Variants in SLC25A17 observed in about 807,000 individuals in gnomAD.
The protein encoded by SLC25A17 is solute carrier family 25 member 17, also known as peroxisomal membrane protein PMP34.
SLC25A17 carries 26 observed loss-of-function variants against 38.5 expected under a neutral mutation model. That is an observed-to-expected ratio of 0.68 (90% CI 0.50 to 0.94). The LOEUF (loss-of-function observed/expected upper bound fraction) is 0.94, where lower values mean the gene tolerates loss of function less well. Ranked by LOEUF, SLC25A17 falls within the 40% of genes least tolerant of loss-of-function variation. The pLI is 0.00. For missense variants in SLC25A17, 333 were observed against 372.7 expected (o/e 0.89, Z 0.88); for synonymous variants, 139 against 136.2 (o/e 1.02, Z -0.14).
chr22:40,784,604 T>C, intron 4 of SLC25A17: 1 of 233,926 alleles, frequency 4.3e-6, no homozygotes, highest in Non-Finnish European at 9.2e-6. Context: ...AAGACCCCCA[T>C]CTGTACAAAA....
At chr22:40,804,009 A>G (rs1602620898) in intron 1 of SLC25A17, among the ~76,000 whole-genome samples, 1 of 152,206 alleles carries the variant, frequency 6.6e-6, no homozygotes, top group South Asian at 2.1e-4. Context: ...TTTGATGTGA[A>G]TAACAGCTAT....
chr22:40,799,793 A>G (rs1325624686), intron 1 of SLC25A17: 4 of 152,210 alleles, frequency 2.6e-5, no homozygotes, highest in Non-Finnish European at 2.9e-5. Context: ...ATGCTTTAGT[A>G]GAAGTATTTA....
intron 7 of SLC25A17, 25 bp from the exon 8 acceptor site, chr22:40,774,044 A>G (rs370314883): frequency 4.1e-5 from 60 of 1,456,422 alleles, no homozygotes; most frequent in Non-Finnish European, 5.5e-5. Flanking sequence ...AAAAAAAACA[A>G]AAGTACTGTT....
intron 1 of SLC25A17, among the ~76,000 whole-genome samples, chr22:40,811,468 C>T (rs1343503683): frequency 5.3e-5 from 8 of 149,766 alleles, no homozygotes; most frequent in Non-Finnish European, 8.9e-5. Flanking sequence ...CTCATTCTGT[C>T]GCCCAGGCTG....
chr22:40,813,699 G>T (rs557491951), intron 1 of SLC25A17, among the ~76,000 whole-genome samples: 1 of 152,292 alleles, frequency 6.6e-6, no homozygotes, highest in South Asian at 2.1e-4. Flanking sequence ...ACTCCAGCCT[G>T]GGCGACAGAG....
At chr22:40,810,797 GTTGT>G (rs1420258326) in intron 1 of SLC25A17, among the ~76,000 whole-genome samples, 1 of 152,114 alleles carries the variant, frequency 6.6e-6, no homozygotes, top group African/African-American at 2.4e-5. Flanking sequence ...AATTCTTCTA[GTTGT>G]TTGTTTTGGA....
At chr22:40,797,516 T>C (rs931306838) in intron 2 of SLC25A17, among the ~76,000 whole-genome samples, 5 of 152,192 alleles carry the variant, frequency 3.3e-5, no homozygotes, top group Admixed American at 6.5e-5. Flanking sequence ...ACTGTGTGCC[T>C]TAAAAAAGTC....
At chr22:40,812,395 A>T (rs1022699733) in intron 1 of SLC25A17, among the ~76,000 whole-genome samples, 1 of 152,202 alleles carries the variant, frequency 6.6e-6, no homozygotes, top group Non-Finnish European at 1.5e-5. Context: ...TCTGGTCAAG[A>T]CTTGGTCCCC....
At chr22:40,784,036 C>T (rs573971834) in intron 4 of SLC25A17, among the ~76,000 whole-genome samples, 30 of 152,222 alleles carry the variant, frequency 2.0e-4, no homozygotes, top group Non-Finnish European at 3.5e-4. Flanking sequence ...TCAGTACTCT[C>T]TATCCCTTCT....
intron 1 of SLC25A17, among the ~76,000 whole-genome samples, chr22:40,802,505 C>A (rs781619021): frequency 6.6e-6 from 1 of 152,024 alleles, no homozygotes; most frequent in African/African-American, 2.4e-5. Flanking sequence ...CTTAGCCAGG[C>A]GTGGTGGTGG....
At chr22:40,800,373 A>C (rs2057469992) in intron 1 of SLC25A17, among the ~76,000 whole-genome samples, 1 of 152,196 alleles carries the variant, frequency 6.6e-6, no homozygotes. Context: ...TGATCTAATA[A>C]TGGTTACAAA....
At chr22:40,805,351 C>T (rs192699576) in intron 1 of SLC25A17, among the ~76,000 whole-genome samples, 1 of 152,206 alleles carries the variant, frequency 6.6e-6, no homozygotes, top group African/African-American at 2.4e-5. Context: ...AGTGAGACTT[C>T]GTCTCAAAAA....
chr22:40,777,078 C>A lies in SLC25A17; in HGVS notation c.655G>T (p.Val219Leu). ...GAVAKAIATT[V>L]TYPLQTVQSI... ...TGTACCGTCTGCAGGGGATAGGTCA[C>A]CGTGGTGGCAATCGCTTTGGCTACT... The change falls in exon 7 of 9, where the codon GTG becomes TTG. Residue 219 changes from valine (V) to leucine (L), a missense_variant. Transcript: ENST00000435456. The A allele has an allele frequency of 1.2e-6, 2 of 1,614,134 alleles. No homozygotes were observed. Among genetic ancestry groups the A allele is most frequent in the Non-Finnish European group, 1.7e-6 (2 of 1,180,024 alleles).
At chr22:40,808,539 C>T (rs1183507062) in intron 1 of SLC25A17, among the ~76,000 whole-genome samples, 2 of 152,208 alleles carry the variant, frequency 1.3e-5, no homozygotes, top group Non-Finnish European at 2.9e-5. Flanking sequence ...ACACAACACA[C>T]ACACATAAGA....
In SLC25A17 at chr22:40,777,389, G is replaced by A; in HGVS notation, c.452-16C>T. On this transcript the variant is annotated splice_polypyrimidine_tract_variant and intron_variant, in intron 5 of 8. Transcript: ENST00000435456. ...TGAAAAGCATCTAAGCAAGAAATCA[G>A]GGACTTTTGAAAAGCATGATCACAA... 1.2e-6 allele frequency: 2 copies of A among 1,604,650 alleles called. No homozygotes were observed. Among genetic ancestry groups the A allele is most frequent in the South Asian group, 2.2e-5 (2 of 90,234 alleles).
intron 1 of SLC25A17, among the ~76,000 whole-genome samples, chr22:40,803,241 G>A (rs936283501): frequency 6.6e-6 from 1 of 152,096 alleles, no homozygotes; most frequent in Non-Finnish European, 1.5e-5. Flanking sequence ...CTGCAGCCCT[G>A]TGCCACCACA....
At chr22:40,811,634 T>C (rs1202746175) in intron 1 of SLC25A17, among the ~76,000 whole-genome samples, 1 of 151,924 alleles carries the variant, frequency 6.6e-6, no homozygotes, top group Non-Finnish European at 1.5e-5. Flanking sequence ...CTTATGATCA[T>C]GGTGGAAGGT....
chr22:40,796,810 A>T (rs2057434955), intron 2 of SLC25A17, among the ~76,000 whole-genome samples: 1 of 152,158 alleles, frequency 6.6e-6, no homozygotes, highest in Admixed American at 6.5e-5. Context: ...AATCTACAAC[A>T]GGGGAAGGGT....
intron 4 of SLC25A17, among the ~76,000 whole-genome samples, chr22:40,788,342 T>A (rs1036943955): frequency 1.3e-5 from 2 of 152,220 alleles, no homozygotes; most frequent in African/African-American, 4.8e-5. Flanking sequence ...TTAAACTAAT[T>A]CACAGCTGTA....
Sources: gnomAD v4.1 joint callset for allele counts (sites outside exome capture counted in the v4.1 genomes callset) on GRCh38, gnomAD v4.1.1 for gene constraint, MANE v1.5 for transcripts, NCBI Gene and HGNC (gene_info 2026-07-23, HGNC 2026-07-21) for gene names.